The following PTPRT variants were observed in gnomAD, a reference collection of about 807,000 sequenced individuals.
PTPRT encodes the protein protein tyrosine phosphatase receptor type T.
A neutral mutation model predicts 176.8 loss-of-function variants in PTPRT; 56 were observed. The ratio of observed to expected loss-of-function variants is 0.32; its 90% CI spans 0.26 to 0.40. The LOEUF (loss-of-function observed/expected upper bound fraction) is 0.40. Among genes scored for constraint, PTPRT ranks in the 10% least tolerant of loss-of-function variants. The pLI, the probability that PTPRT is intolerant of heterozygous loss-of-function variation, is 1.00. For synonymous variants in PTPRT, 783 were observed against 739.0 expected, an observed-to-expected ratio of 1.06 and a Z score of -0.96; for missense variants, 1,540 against 1,908.2, an observed-to-expected ratio of 0.81 and a Z score of 3.60.
chr20:42,085,618 C>T (rs577883625), intron 28 of PTPRT, 110 bp downstream of exon 28: 1 of 1,468,154 alleles, frequency 6.8e-7, no homozygotes, highest in African/African-American at 1.4e-5. Flanking sequence ...AAGAAATTAT[C>T]AGGAGAGCAC....
At chr20:42,036,777 A>G in the PTPRT span, among the ~76,000 whole-genome samples, 1 of 152,114 alleles carries the variant, frequency 6.6e-6, no homozygotes, top group Non-Finnish European at 1.5e-5. Flanking sequence ...AGGTGAGGAG[A>G]CCCAGGGAGT....
intron 1 of PTPRT, among the ~76,000 whole-genome samples, chr20:43,182,944 G>A (rs1235158360): frequency 2.6e-5 from 4 of 152,158 alleles, no homozygotes; most frequent in African/African-American, 9.7e-5. Flanking sequence ...GAAAAGAAAT[G>A]AATGAATGAT....
chr20:42,947,034 T>C (rs1275783570), intron 1 of PTPRT, among the ~76,000 whole-genome samples: 1 of 152,182 alleles, frequency 6.6e-6, no homozygotes, highest in African/African-American at 2.4e-5. Context: ...GGGAGATTTC[T>C]GACTGAGGTT....
intron 13 of PTPRT, among the ~76,000 whole-genome samples, chr20:42,261,645 G>C (rs772603602): frequency 1.3e-5 from 2 of 152,074 alleles, no homozygotes; most frequent in Non-Finnish European, 2.9e-5. Flanking sequence ...GCTTGGTTGT[G>C]GACTGAGCAG....
intron 1 of PTPRT, among the ~76,000 whole-genome samples, chr20:43,129,688 G>A (rs1375089437): frequency 3.7e-5 from 5 of 134,344 alleles, no homozygotes; most frequent in African/African-American, 1.4e-4. Context: ...GCGGGATCTC[G>A]GCTCACTGCA....
In PTPRT at chr20:42,150,894, T is replaced by C. The variant is rs539748430; in HGVS notation, c.2683-8892A>G. On this transcript the variant is annotated intron_variant, in intron 17 of 30. Transcript: ENST00000373187. Reference sequence around the variant, plus strand: ...AAACTGTACACTCTCCCAAAACTAATTTTATACTATGTAAATTTTAAAAAA... The same window carrying C: ...AAACTGTACACTCTCCCAAAACTAACTTTATACTATGTAAATTTTAAAAAA... Among the ~76,000 whole-genome samples the C allele has an allele frequency of 1.1e-4, 17 of 152,276 alleles. No individual in the cohort carries two copies. In the South Asian group the frequency reaches 3.1e-3, roughly 28 times the overall value.
At chr20:42,641,818 C>G (rs1414537970) in intron 7 of PTPRT, among the ~76,000 whole-genome samples, 2 of 152,098 alleles carry the variant, frequency 1.3e-5, no homozygotes. Context: ...CCAGGCAAGA[C>G]CTGGTGTCGA....
At chr20:43,058,811 A>AT (rs1481212862) in intron 1 of PTPRT, among the ~76,000 whole-genome samples, 9 of 148,924 alleles carry the variant, frequency 6.0e-5, no homozygotes, top group Non-Finnish European at 7.5e-5. Context: ...GACTAAGAAA[A>AT]CCTTATTTTT....
chr20:42,867,288 T>C (rs1043482453), intron 2 of PTPRT, among the ~76,000 whole-genome samples: 2 of 152,018 alleles, frequency 1.3e-5, no homozygotes, highest in Non-Finnish European at 2.9e-5. Flanking sequence ...ACCAGCTCCA[T>C]ATCAGAATGC....
At chr20:42,480,078 T>C (rs749689831) in intron 7 of PTPRT, among the ~76,000 whole-genome samples, 5 of 152,192 alleles carry the variant, frequency 3.3e-5, no homozygotes, top group African/African-American at 7.2e-5. Flanking sequence ...CACGTGTTCA[T>C]TGTCTCATTT....
chr20:42,911,977 T>TC (rs1978413120), intron 1 of PTPRT, among the ~76,000 whole-genome samples: 1 of 11,280 alleles, frequency 8.9e-5, no homozygotes, highest in African/African-American at 2.2e-4. Context: ...TCCTCTTTTC[T>TC]TTTTTTTTTT....
intron 15 of PTPRT, among the ~76,000 whole-genome samples, chr20:42,230,794 A>G (rs1391564808): frequency 6.6e-6 from 1 of 152,194 alleles, no homozygotes; most frequent in Admixed American, 6.5e-5. Context: ...CAAAACCCAC[A>G]TGATTCACAT....
chr20:42,572,234 C>A (rs190802337), intron 7 of PTPRT, among the ~76,000 whole-genome samples: 29 of 152,318 alleles, frequency 1.9e-4, no homozygotes, highest in Admixed American at 3.9e-4. Context: ...AAAGGTCCCA[C>A]CTCTTAATAC....
intron 1 of PTPRT, among the ~76,000 whole-genome samples, chr20:43,016,097 C>A (rs1190295395): frequency 6.6e-6 from 1 of 152,136 alleles, no homozygotes; most frequent in African/African-American, 2.4e-5. Flanking sequence ...CCCCCTGCCC[C>A]CTTCACTCAT....
intron 15 of PTPRT, among the ~76,000 whole-genome samples, chr20:42,220,580 A>AAAG (rs1568683535): frequency 6.6e-6 from 1 of 151,912 alleles, no homozygotes; most frequent in African/African-American, 2.4e-5. Context: ...CACATTAATA[A>AAAG]AAAGAATGGG....
intron 11 of PTPRT, among the ~76,000 whole-genome samples, chr20:42,332,365 AC>A (rs1338850808): frequency 6.6e-6 from 1 of 151,976 alleles, no homozygotes; most frequent in Non-Finnish European, 1.5e-5. Context: ...GCCCACCACC[AC>A]GCCTGGCTAA....
Position 42,176,469 on chromosome 20 carries a change from G to A in PTPRT, c.2492-14927C>T, listed in dbSNP as rs932767524. 3.3e-5 allele frequency among the ~76,000 whole-genome samples: 5 copies of A among 152,148 alleles called. No individual in the cohort carries two copies. The East Asian group carries it at 9.6e-4, about 29-fold the overall frequency. On this transcript the variant is annotated intron_variant, in intron 16 of 30. Coordinates refer to ENST00000373187, the MANE Select transcript of PTPRT (RefSeq NM_007050.6). ...AGCTTCACTGTGGCTCCAGGGGACT[G>A]GACATGATTTGGAGTTTCTCATTGG...
chr20:42,050,545 C>G, the PTPRT span, among the ~76,000 whole-genome samples: 1 of 152,160 alleles, frequency 6.6e-6, no homozygotes, highest in Non-Finnish European at 1.5e-5. Context: ...CACAATGGAC[C>G]ATGTATTGGC....
intron 15 of PTPRT, among the ~76,000 whole-genome samples, chr20:42,205,566 G>C (rs146577359): frequency 1.6e-4 from 25 of 152,212 alleles, no homozygotes; most frequent in African/African-American, 5.5e-4. Flanking sequence ...CAAAACCCTT[G>C]ACTCTCTTCT....
Sources: allele counts gnomAD v4.1 joint callset (sites outside exome capture counted in the v4.1 genomes callset), GRCh38; gene constraint gnomAD v4.1.1; transcripts MANE v1.5; gene names NCBI Gene and HGNC (gene_info 2026-07-23, HGNC 2026-07-21).